IL3RA: variants seen among roughly 807,000 people sequenced by gnomAD.
IL3RA encodes interleukin-3 receptor subunit alpha.
A neutral mutation model predicts 52.3 loss-of-function variants in IL3RA; 73 were observed. That is an observed-to-expected ratio of 1.40 (90% CI 1.16 to 1.70). The LOEUF (loss-of-function observed/expected upper bound fraction) is 1.70. IL3RA is among the 40% of genes most tolerant of loss of function. The pLI is 0.00. For synonymous variants in IL3RA, 260 were observed against 194.0 expected (o/e 1.34, Z -2.83); for missense variants, 664 against 504.4 (o/e 1.32, Z -3.03).
chrX:1,351,702 C>G (rs1245505943), intron 4 of IL3RA, among the ~76,000 whole-genome samples: 2 of 150,310 alleles, frequency 1.3e-5, no homozygotes, highest in Non-Finnish European at 3.0e-5. Flanking sequence ...GATCTCAGCT[C>G]CATGCAACCT....
At chrX:1,376,563 G>C (rs2088738866) in intron 9 of IL3RA, among the ~76,000 whole-genome samples, 1 of 133,780 alleles carries the variant, frequency 7.5e-6, no homozygotes, top group Non-Finnish European at 1.6e-5. Flanking sequence ...ACAGCAGCCT[G>C]AGATGGACTA....
intron 11 of IL3RA, among the ~76,000 whole-genome samples, 176 bp downstream of exon 11, chrX:1,381,280 C>G (rs1281895494): frequency 2.0e-5 from 3 of 152,090 alleles, no homozygotes; most frequent in Non-Finnish European, 2.9e-5. Context: ...CGCCTGTAAT[C>G]CCAGCTACTC....
rs2085706688 is a variant in IL3RA, at chrX:1,345,577, C to T, written c.183+143C>T. ...CGATCTCCGCTCTCTGCAACCTCCA[C>T]CTCCCAGGTCCATGCCATTCTCCTG... is the stretch of plus-strand genomic sequence containing the variant. On this transcript the variant is annotated intron_variant, in intron 3 of 11. Coordinates refer to ENST00000331035, the MANE Select transcript of IL3RA (RefSeq NM_002183.4). 1.9e-5 allele frequency: 9 copies of T among 465,866 alleles called. No individual in the cohort carries two copies. The East Asian group carries it at 3.4e-4, about 17-fold the overall frequency. 28.9% of individuals were successfully genotyped at this position (465,866 alleles called of 1,614,324 possible).
At chrX:1,362,769 TTTTATTTA>T (rs757287987) in intron 8 of IL3RA, among the ~76,000 whole-genome samples, 1 of 149,176 alleles carries the variant, frequency 6.7e-6, no homozygotes, top group South Asian at 2.1e-4. Flanking sequence ...CGTGTCTCCT[TTTTATTTA>T]TTTATTTATT....
rs1292542940 is a variant in IL3RA at position 1,362,964 on chromosome X, T to G, written c.760-2174T>G. ...CTAATTTTTGTATTATTAGTAAAGA[T>G]GGGATTTTACCTTGTTGCTCAGGTT... is the stretch of plus-strand genomic sequence containing the variant. On this transcript the variant is annotated intron_variant, in intron 8 of 11. Coordinates refer to ENST00000331035, the MANE Select transcript of IL3RA (RefSeq NM_002183.4). 2.0e-5 allele frequency among the ~76,000 whole-genome samples: 3 copies of G among 151,880 alleles called. No homozygotes were observed. The East Asian group carries it at 5.8e-4, about 29-fold the overall frequency.
Position 1,340,441 on chromosome X carries a change from G to A in IL3RA, c.-38-1287G>A, listed in dbSNP as rs181266866. 7.5e-3 allele frequency among the ~76,000 whole-genome samples: 1,136 copies of A among 152,180 alleles called. 12 individuals carry two copies. Among genetic ancestry groups the A allele is most frequent in the Admixed American group, 0.013 (202 of 15,268 alleles). On this transcript the variant is annotated intron_variant, in intron 1 of 11. Coordinates refer to ENST00000331035, the MANE Select transcript of IL3RA (RefSeq NM_002183.4). ...GGCAGGGCTTCTTTCAAAAGGGAAC[G>A]GCTGACACACACACAGATGCATGCA... is the stretch of plus-strand genomic sequence containing the variant.
intron 8 of IL3RA, among the ~76,000 whole-genome samples, chrX:1,362,094 CTG>C (rs2087453883): frequency 1.3e-5 from 2 of 149,832 alleles, no homozygotes; most frequent in Non-Finnish European, 3.0e-5. Flanking sequence ...CTGTCTCTCT[CTG>C]TCCATCACCC....
rs751595324 is a variant in IL3RA at position 1,378,832 on chromosome X, C to G, written c.980+68C>G. On this transcript the variant is annotated intron_variant, in intron 10 of 11. Transcript: ENST00000331035. Reference sequence around the variant, plus strand: ...GTGACCCTGAAAGTTATTCACAGAACCATCCTGAGAATTATCATTATTATT... The same window carrying G: ...GTGACCCTGAAAGTTATTCACAGAAGCATCCTGAGAATTATCATTATTATT... 1,768 of 1,342,068 alleles carry G rather than the reference C, an allele frequency of 1.3e-3. 3 individuals are homozygous for G. Among genetic ancestry groups the G allele is most frequent in the Non-Finnish European group, 1.8e-3 (1,670 of 939,114 alleles). The allele number at this position is 1,342,068 out of a possible 1,614,324, so 83.1% of individuals were successfully genotyped here.
At chrX:1,343,639 C>G (rs1324642861) in intron 2 of IL3RA, among the ~76,000 whole-genome samples, 1 of 141,294 alleles carries the variant, frequency 7.1e-6, no homozygotes, top group African/African-American at 2.8e-5. Context: ...TGCACTCCAA[C>G]CTGGGTGACA....
chrX:1,349,164 TGCCCACC>T (rs2085961771), intron 4 of IL3RA, among the ~76,000 whole-genome samples: 1 of 145,376 alleles, frequency 6.9e-6, no homozygotes. Flanking sequence ...TGTACCACCA[TGCCCACC>T]TAATTTTTTA....
At chrX:1,365,310 AGCGGGG>A (rs2087861810) in intron 9 of IL3RA, 58 bp downstream of exon 9, 7 of 822,402 alleles carry the variant, frequency 8.5e-6, no homozygotes, top group Non-Finnish European at 1.2e-5. Flanking sequence ...GCGCGGGGTG[AGCGGGG>A]TGCGCGGGGT....
At chrX:1,365,616 A>C (rs755688472) in intron 9 of IL3RA, among the ~76,000 whole-genome samples, 1 of 19,028 alleles carries the variant, frequency 5.3e-5, no homozygotes, top group Non-Finnish European at 7.4e-5. Context: ...GAGCGGGGTG[A>C]GCCGGGTGAG....
intron 4 of IL3RA, among the ~76,000 whole-genome samples, chrX:1,349,356 AT>A (rs1362970455): frequency 6.6e-6 from 1 of 151,254 alleles, no homozygotes; most frequent in Non-Finnish European, 1.5e-5. Flanking sequence ...TAATTCTTGT[AT>A]TTTTAGTAGA....
Position 1,345,544 on chromosome X carries a change from C to T in IL3RA, c.183+110C>T, listed in dbSNP as rs183771127. 1,620 of 672,478 alleles carry T rather than the reference C, an allele frequency of 2.4e-3. 7 individuals carry two copies. The highest frequency in any genetic ancestry group is 9.7e-3 in the South Asian group (224 of 22,998). 41.7% of individuals were successfully genotyped at this position (672,478 alleles called of 1,614,324 possible). A position where few individuals can be genotyped will look rare whatever the true frequency, so the allele number is the denominator to read the frequency against. On this transcript the variant is annotated intron_variant, in intron 3 of 11. Transcript: ENST00000331035. Reference sequence around the variant, plus strand: ...TTGCTCTGTCGCCCAGGCTGGACTGCGGTGACCCGATCTCCGCTCTCTGCA... The same window carrying T: ...TTGCTCTGTCGCCCAGGCTGGACTGTGGTGACCCGATCTCCGCTCTCTGCA...
chrX:1,354,067 A>G (rs1348893730), intron 6 of IL3RA, among the ~76,000 whole-genome samples: 1 of 146,804 alleles, frequency 6.8e-6, no homozygotes, highest in Non-Finnish European at 1.5e-5. Context: ...ACCATGGGTC[A>G]TGGGAGCCCC....
rs190992478 is a variant in IL3RA, at chrX:1,347,432, G to T, written c.184-999G>T. Among the ~76,000 whole-genome samples, 242 of 150,430 alleles carry T rather than the reference G, an allele frequency of 1.6e-3. 13 individuals carry two copies. The highest frequency in any genetic ancestry group is 5.9e-3 in the African/African-American group (236 of 40,028). ...TGCACTCCAGCCTGGGCGACAGAGC[G>T]AGACTCTGTCTCAAAAAAACAAAAA... is the stretch of plus-strand genomic sequence containing the variant. On this transcript the variant is annotated intron_variant, in intron 3 of 11. Coordinates refer to ENST00000331035, the MANE Select transcript of IL3RA (RefSeq NM_002183.4).
intron 7 of IL3RA, 21 bp downstream of exon 7, chrX:1,356,357 C>CA: frequency 7.2e-7 from 1 of 1,383,182 alleles, no homozygotes; most frequent in Non-Finnish European, 9.9e-7. Context: ...ACCCCGCCCC[C>CA]AGCCCCCCCA....
intron 10 of IL3RA, among the ~76,000 whole-genome samples, chrX:1,380,482 G>GGA (rs1226313047): frequency 1.8e-4 from 1 of 5,598 alleles, no homozygotes; most frequent in African/African-American, 1.0e-3. Flanking sequence ...GGGGAAGGGA[G>GGA]GGGGGAAAGG....
Position 1,367,578 on chromosome X carries a change from G to C in IL3RA, c.874+2326G>C, listed in dbSNP as rs1306719357. Among the ~76,000 whole-genome samples, 47 of 100,968 alleles carry C rather than the reference G, an allele frequency of 4.7e-4. 2 individuals are homozygous for C. In the South Asian group the frequency reaches 5.6e-3, roughly 12 times the overall value. The allele number at this position is 100,968 out of a possible 152,430, so 66.2% of individuals were successfully genotyped here. The stretch of plus-strand genomic sequence containing the variant: ...GCGCGGGGTGCGCCGGGTGCGCGGG[G>C]TGAGCGGGGTGAGCCGGGTGCGCGG... On this transcript the variant is annotated intron_variant, in intron 9 of 11. Coordinates refer to ENST00000331035, the MANE Select transcript of IL3RA (RefSeq NM_002183.4).
Sources: allele counts gnomAD v4.1 joint callset (sites outside exome capture counted in the v4.1 genomes callset), GRCh38; gene constraint gnomAD v4.1.1; transcripts MANE v1.5; gene names NCBI Gene and HGNC (gene_info 2026-07-23, HGNC 2026-07-21).